Variants in TRIQK observed in about 807,000 individuals in gnomAD.
The protein encoded by TRIQK is triple QxxK/R motif containing, also known as triple QxxK/R motif-containing protein.
Under a neutral mutation model 10.8 loss-of-function variants are expected in TRIQK, and 10 were observed. The ratio of observed to expected loss-of-function variants is 0.92; its 90% CI spans 0.57 to 1.57. TRIQK has a LOEUF of 1.57. Among genes scored for constraint, TRIQK ranks in the 40% most tolerant of loss-of-function variants. The pLI, the probability that TRIQK is intolerant of heterozygous loss-of-function variation, is 0.00. For missense variants in TRIQK, 107 were observed against 97.7 expected, an observed-to-expected ratio of 1.09 and a Z score of -0.40; for synonymous variants, 33 against 33.7, an observed-to-expected ratio of 0.98 and a Z score of 0.07.
At chr8:92,892,985 A>G (rs1816837538) in intron 3 of TRIQK, among the ~76,000 whole-genome samples, 1 of 152,024 alleles carries the variant, frequency 6.6e-6, no homozygotes, top group South Asian at 2.1e-4. Context: ...ACATGATCGT[A>G]TAATCTCTCT....
chr8:93,015,078 C>A (rs747578047), intron 1 of TRIQK, among the ~76,000 whole-genome samples: 52 of 151,938 alleles, frequency 3.4e-4, no homozygotes, highest in Non-Finnish European at 3.5e-4. Flanking sequence ...ATCAAAATAT[C>A]AGAATCTTTT....
intron 2 of TRIQK, among the ~76,000 whole-genome samples, chr8:92,943,926 A>G (rs755558187): frequency 4.6e-5 from 7 of 152,202 alleles, no homozygotes; most frequent in Non-Finnish European, 1.0e-4. Context: ...AATGGAAGAA[A>G]ATATTTGTAA....
At chr8:92,895,496 G>T (rs1224315362) in intron 3 of TRIQK, among the ~76,000 whole-genome samples, 1 of 152,140 alleles carries the variant, frequency 6.6e-6, no homozygotes, top group Non-Finnish European at 1.5e-5. Flanking sequence ...ATTCTGGGGG[G>T]TGCTCAGAAG....
At chr8:92,931,417 T>G (rs1810718471) in intron 2 of TRIQK, among the ~76,000 whole-genome samples, 2 of 152,092 alleles carry the variant, frequency 1.3e-5, no homozygotes, top group Admixed American at 1.3e-4. Context: ...GCTCTGTCAA[T>G]CTAAGAGGGG....
At chr8:92,996,294 T>C (rs1813153313) in intron 1 of TRIQK, among the ~76,000 whole-genome samples, 1 of 152,098 alleles carries the variant, frequency 6.6e-6, no homozygotes, top group African/African-American at 2.4e-5. Flanking sequence ...CTCTGGTCTC[T>C]CAATTGTACT....
At chr8:92,971,199 C>T (rs201043215) in intron 1 of TRIQK, among the ~76,000 whole-genome samples, 2 of 152,056 alleles carry the variant, frequency 1.3e-5, no homozygotes, top group East Asian at 3.9e-4. Flanking sequence ...TTACTGTAGC[C>T]TTGTAGTATA....
At chr8:92,974,846 G>A (rs902617450) in intron 1 of TRIQK, 2 of 152,228 alleles carry the variant, frequency 1.3e-5, no homozygotes, top group Non-Finnish European at 2.9e-5. Flanking sequence ...CACCTTACCA[G>A]TTTTAGCCTT....
chr8:92,937,600 G>A (rs1257091361), intron 2 of TRIQK, among the ~76,000 whole-genome samples: 1 of 145,210 alleles, frequency 6.9e-6, no homozygotes, highest in Non-Finnish European at 1.5e-5. Flanking sequence ...TTTTTTACTT[G>A]CTTCTTTGGG....
chr8:92,953,872 G>A (rs1036688702), intron 2 of TRIQK: 5 of 151,844 alleles, frequency 3.3e-5, no homozygotes, highest in African/African-American at 1.2e-4. Flanking sequence ...GAGATAAACA[G>A]AGGCCCATAT....
rs1233626096 is a variant in TRIQK, at chr8:92,966,093, C to G, written c.-267G>C. 2 of 152,456 alleles carry G rather than the reference C, an allele frequency of 1.3e-5. No individual in the cohort carries two copies. The highest frequency in any genetic ancestry group is 2.9e-5 in the Non-Finnish European group (2 of 68,264). The allele number at this position is 152,456 out of a possible 1,614,324, so 9.4% of individuals were successfully genotyped here. The stretch of plus-strand genomic sequence containing the variant: ...CGGTTCTGTCACTCAGGGGCAGGGG[C>G]GGGACAAGCCAGCCGCACACCCCTA... On this transcript the variant is annotated 5_prime_UTR_variant, in exon 1 of 5. Coordinates refer to ENST00000521988, the MANE Select transcript of TRIQK (RefSeq NM_001171797.2).
At position 92,884,905 on chromosome 8, in the gene TRIQK, C is replaced by T. The variant is rs1415472883; in HGVS notation, c.*1717G>A. Reference sequence around the variant, plus strand: ...GCATGTCACTCAGGAAAGTAAAAGGCCCATCATATCCAAAATGCCAGCTTG... The same window carrying T: ...GCATGTCACTCAGGAAAGTAAAAGGTCCATCATATCCAAAATGCCAGCTTG... On this transcript the variant is annotated 3_prime_UTR_variant, in exon 5 of 5. Transcript: ENST00000521988. 2.2e-6 allele frequency: 1 copy of T among 456,046 alleles called. No homozygotes were observed. The highest frequency in any genetic ancestry group is 2.4e-5 in the Admixed American group (1 of 42,464). 28.2% of individuals were successfully genotyped at this position (456,046 alleles called of 1,614,324 possible). A position where few individuals can be genotyped will look rare whatever the true frequency, so the allele number is the denominator to read the frequency against.
At chr8:92,960,872 A>G (rs1400702989) in intron 1 of TRIQK, among the ~76,000 whole-genome samples, 2 of 152,204 alleles carry the variant, frequency 1.3e-5, no homozygotes, top group East Asian at 3.9e-4. Context: ...TTAAGTCACT[A>G]AATGTGGGGT....
At chr8:93,014,194 T>G (rs1458179690) in intron 1 of TRIQK, among the ~76,000 whole-genome samples, 1 of 152,062 alleles carries the variant, frequency 6.6e-6, no homozygotes, top group African/African-American at 2.4e-5. Flanking sequence ...AGAAATCAAT[T>G]TCGAATAAAC....
chr8:92,938,566 T>C (rs1811113069), intron 2 of TRIQK, among the ~76,000 whole-genome samples: 2 of 152,160 alleles, frequency 1.3e-5, no homozygotes, highest in South Asian at 4.1e-4. Flanking sequence ...ACTTCTGACA[T>C]GATTTCTTGA....
intron 2 of TRIQK, among the ~76,000 whole-genome samples, chr8:92,935,416 T>C (rs913171915): frequency 2.6e-5 from 4 of 151,750 alleles, no homozygotes; most frequent in African/African-American, 9.7e-5. Context: ...CTACATATTC[T>C]GTTTTGTGCA....
At chr8:92,989,565 C>G (rs554748983) in intron 1 of TRIQK, among the ~76,000 whole-genome samples, 6 of 152,104 alleles carry the variant, frequency 3.9e-5, no homozygotes, top group Non-Finnish European at 8.8e-5. Context: ...CCTGATGATC[C>G]GTCACTGTCT....
At chr8:92,937,311 C>CAT (rs1811042688) in intron 2 of TRIQK, among the ~76,000 whole-genome samples, 1 of 151,744 alleles carries the variant, frequency 6.6e-6, no homozygotes, top group Admixed American at 6.6e-5. Flanking sequence ...CACACACACA[C>CAT]ACATGCACCC....
chr8:92,889,548 G>T (rs1277522332), intron 4 of TRIQK, among the ~76,000 whole-genome samples: 7 of 151,472 alleles, frequency 4.6e-5, no homozygotes, highest in Admixed American at 1.3e-4. Context: ...ATATAATATG[G>T]CAACACGATG....
chr8:92,961,291 G>T (rs560307103), intron 1 of TRIQK, among the ~76,000 whole-genome samples: 1 of 151,998 alleles, frequency 6.6e-6, no homozygotes, highest in Non-Finnish European at 1.5e-5. Flanking sequence ...GTTGAGGGGA[G>T]GCAGAAAATG....
Sources: gnomAD v4.1 joint callset for allele counts (sites outside exome capture counted in the v4.1 genomes callset) on GRCh38, gnomAD v4.1.1 for gene constraint, MANE v1.5 for transcripts, NCBI Gene and HGNC (gene_info 2026-07-23, HGNC 2026-07-21) for gene names.